BAZ2B: variants seen among roughly 807,000 people sequenced by gnomAD.
BAZ2B encodes bromodomain adjacent to zinc finger domain 2B.
BAZ2B carries 91 observed loss-of-function variants against 246.0 expected under a neutral mutation model. The ratio of observed to expected loss-of-function variants is 0.37; its 90% CI spans 0.31 to 0.44. BAZ2B has a LOEUF of 0.44. Among genes scored for constraint, BAZ2B ranks in the 20% least tolerant of loss-of-function variants. The probability of loss-of-function intolerance (pLI) is 1.00; values close to 1 mark genes in which losing one functional copy is unlikely to be tolerated. For missense variants in BAZ2B, 2,332 were observed against 2,533.7 expected (o/e 0.92, Z 1.71); for synonymous variants, 855 against 860.0 (o/e 0.99, Z 0.10).
At chr2:159,479,600 G>C (rs1426579920) in intron 2 of BAZ2B, among the ~76,000 whole-genome samples, 1 of 152,036 alleles carries the variant, frequency 6.6e-6, no homozygotes, top group East Asian at 1.9e-4. Flanking sequence ...TCTAACTATA[G>C]AAAGATTTCT....
chr2:159,610,461 T>C (rs1404798674), intron 1 of BAZ2B, among the ~76,000 whole-genome samples: 1 of 152,180 alleles, frequency 6.6e-6, no homozygotes, highest in Non-Finnish European at 1.5e-5. Flanking sequence ...TGCACCGTCT[T>C]TGATTAATGA....
intron 25 of BAZ2B, among the ~76,000 whole-genome samples, chr2:159,379,009 G>C (rs78364291): frequency 6.6e-6 from 1 of 152,042 alleles, no homozygotes; most frequent in Non-Finnish European, 1.5e-5. Context: ...TTATTCAAAA[G>C]AACTGAAATC....
At chr2:159,522,380 G>C (rs556247281) in intron 2 of BAZ2B, among the ~76,000 whole-genome samples, 78 of 152,028 alleles carry the variant, frequency 5.1e-4, no homozygotes, top group Non-Finnish European at 9.6e-4. Flanking sequence ...AAAATTAACA[G>C]GCTAATCTCT....
the BAZ2B span, among the ~76,000 whole-genome samples, chr2:159,691,257 C>T: frequency 1.5e-3 from 234 of 152,186 alleles, 1 homozygote; most frequent in Admixed American, 2.9e-3. Flanking sequence ...ATACAGTTGA[C>T]CCTTGAACAA....
the BAZ2B span, among the ~76,000 whole-genome samples, chr2:159,630,179 C>G: frequency 6.6e-6 from 1 of 152,032 alleles, no homozygotes; most frequent in African/African-American, 2.4e-5. Flanking sequence ...AAAAGCAGGC[C>G]AGTTGCACTG....
In BAZ2B at chr2:159,490,585, CAGCT is replaced by C. The variant is rs550926202; in HGVS notation, c.-2-11868_-2-11865del. On this transcript the variant is annotated intron_variant, in intron 2 of 36. Transcript: ENST00000392783. The stretch of plus-strand genomic sequence containing the variant: ...AGCCTGGAGTGCAGTGGCGTGATCA[CAGCT>C]TACTGACTGCAGCCTCGATCTTCCC... Among the ~76,000 whole-genome samples, 562 of 152,278 alleles carry C rather than the reference CAGCT, an allele frequency of 3.7e-3. 1 individual carries two copies. The highest frequency in any genetic ancestry group is 0.013 in the African/African-American group (529 of 41,558).
In BAZ2B at chr2:159,430,878, A is replaced by T. The variant is rs759769095; in HGVS notation, c.2179T>A (p.Ser727Thr). 2.2e-5 allele frequency: 36 copies of T among 1,613,502 alleles called. No individual in the cohort carries two copies. The South Asian group carries it at 3.5e-4, about 16-fold the overall frequency. ...GTGTAGGTACCAGAGTGTGGGCTTG[A>T]AGTAAGTGTGGAAGAAGATGTACCA... ...FLGTSSSTLT[S>T]SPHSGTSKRR... Residue 727 changes from serine to threonine, a missense_variant, in exon 10 of 37, where the codon TCA (serine) becomes ACA (threonine). Ser to Thr is a moderately conservative substitution (Grantham distance 58, BLOSUM62 1). This residue lies in a region of BAZ2B where 651 missense variants were observed against 650.9 expected (regional missense o/e 1.00). Coordinates refer to ENST00000392783, the MANE Select transcript of BAZ2B (RefSeq NM_013450.4).
At chr2:159,548,933 T>C (rs990466870) in intron 2 of BAZ2B, among the ~76,000 whole-genome samples, 16 of 152,244 alleles carry the variant, frequency 1.1e-4, no homozygotes, top group African/African-American at 3.6e-4. Flanking sequence ...TATAAATTCC[T>C]ATAAGAGCTG....
chr2:159,376,583 A>C (rs2149446261), intron 25 of BAZ2B, among the ~76,000 whole-genome samples: 1 of 152,296 alleles, frequency 6.6e-6, no homozygotes, highest in East Asian at 1.9e-4. Context: ...ACAACTCTTA[A>C]ATCTTGACTT....
intron 2 of BAZ2B, among the ~76,000 whole-genome samples, chr2:159,549,736 T>C (rs1008991266): frequency 6.9e-6 from 1 of 145,266 alleles, no homozygotes; most frequent in East Asian, 2.0e-4. Flanking sequence ...ACTTAAACCA[T>C]GGAGACAGTA....
At chr2:159,349,602 C>G in intron 28 of BAZ2B, 106 bp downstream of exon 28, 1 of 1,240,584 alleles carries the variant, frequency 8.1e-7, no homozygotes, top group South Asian at 1.6e-5. Flanking sequence ...CAAACTGTAG[C>G]AGGAATATTT....
chr2:159,590,253 T>C (rs1689061841), intron 1 of BAZ2B, among the ~76,000 whole-genome samples: 1 of 109,220 alleles, frequency 9.2e-6, no homozygotes, highest in South Asian at 2.9e-4. Flanking sequence ...GAACTGGCTA[T>C]TGTTAATCTT....
Position 159,518,331 on chromosome 2 carries a change from G to A in BAZ2B, c.-3+37492C>T, listed in dbSNP as rs899088646. On this transcript the variant is annotated intron_variant, in intron 2 of 36. Coordinates refer to ENST00000392783, the MANE Select transcript of BAZ2B (RefSeq NM_013450.4). The stretch of plus-strand genomic sequence containing the variant: ...CCAGTTGGAAAAAGACTTGCCCTCA[G>A]AGCTGACAAATGAGAAAAATATATC... Among the ~76,000 whole-genome samples the A allele has an allele frequency of 1.1e-4, 16 of 152,298 alleles. 1 individual carries two copies. Among genetic ancestry groups the A allele is most frequent in the Admixed American group, 8.5e-4 (13 of 15,298 alleles).
At chr2:159,706,172 C>T in the BAZ2B span, among the ~76,000 whole-genome samples, 1 of 151,684 alleles carries the variant, frequency 6.6e-6, no homozygotes, top group South Asian at 2.1e-4. Context: ...AGTTGGTCAA[C>T]ATGAGCTGCA....
At chr2:159,663,495 G>A in the BAZ2B span, among the ~76,000 whole-genome samples, 18 of 149,944 alleles carry the variant, frequency 1.2e-4, no homozygotes, top group East Asian at 1.6e-3. Flanking sequence ...AAGCCACCAC[G>A]CACAGCCTGT....
the BAZ2B span, among the ~76,000 whole-genome samples, chr2:159,633,793 C>T: frequency 0.92 from 136,332 of 147,484 alleles, 63,487 homozygotes; most frequent in East Asian, 1. Context: ...CAGGCTGGAG[C>T]GCAGTGGCAC....
chr2:159,558,694 A>G (rs1183499514), intron 1 of BAZ2B, among the ~76,000 whole-genome samples: 1 of 152,244 alleles, frequency 6.6e-6, no homozygotes, highest in Non-Finnish European at 1.5e-5. Flanking sequence ...AATTTGGCAG[A>G]GACCTATAAG....
chr2:159,467,199 A>G (rs2077172601), intron 3 of BAZ2B, among the ~76,000 whole-genome samples: 1 of 152,204 alleles, frequency 6.6e-6, no homozygotes. Context: ...GAAGGCAGGC[A>G]GGATTAGGTC....
chr2:159,347,637 A>G lies in BAZ2B; in HGVS notation c.5303T>C (p.Ile1768Thr), dbSNP rs2068104354. 3.1e-6 allele frequency: 5 copies of G among 1,604,764 alleles called. No homozygotes were observed. Among genetic ancestry groups the G allele is most frequent in the South Asian group, 1.1e-5 (1 of 89,900 alleles). ...ACLKNKDVAI[I>T]ELNENEENQV... ...GTTTTCTTCATTTTCATTCAGTTCA[A>G]TAATAGCAACTACATTTAAAAAGAA... The change falls in exon 31 of 37, where the codon ATT becomes ACT. Residue 1768 changes from isoleucine (I) to threonine (T), a missense_variant. This residue lies in a region of BAZ2B where 676 missense variants were observed against 668.6 expected (regional missense o/e 1.01). Transcript: ENST00000392783.
Sources: allele counts gnomAD v4.1 joint callset (sites outside exome capture counted in the v4.1 genomes callset), GRCh38; gene constraint gnomAD v4.1.1; regional missense constraint gnomAD v4.1.1; transcripts MANE v1.5; gene names NCBI Gene and HGNC (gene_info 2026-07-23, HGNC 2026-07-21).